The following DLGAP1 variants were observed in gnomAD, a reference collection of about 807,000 sequenced individuals.
DLGAP1 encodes the protein DLG associated protein 1.
Under a neutral mutation model 90.8 loss-of-function variants are expected in DLGAP1, and 11 were observed. The observed-to-expected ratio is 0.12, with a 90% CI of 0.08 to 0.20. DLGAP1 has a LOEUF of 0.20. Among genes scored for constraint, DLGAP1 ranks in the 10% least tolerant of loss-of-function variants. DLGAP1 has a pLI of 1.00. For missense variants in DLGAP1, 1,050 were observed against 1,333.8 expected (o/e 0.79, Z 3.31); for synonymous variants, 558 against 540.7 (o/e 1.03, Z -0.44).
At chr18:3,533,926 A>G (rs2052169720) in intron 10 of DLGAP1, among the ~76,000 whole-genome samples, 2 of 152,062 alleles carry the variant, frequency 1.3e-5, no homozygotes, top group African/African-American at 4.8e-5. Context: ...CTCCACACAG[A>G]GCTTGGTATT....
At chr18:3,930,562 G>T (rs2072493922) in intron 3 of DLGAP1, among the ~76,000 whole-genome samples, 1 of 152,152 alleles carries the variant, frequency 6.6e-6, no homozygotes, top group Non-Finnish European at 1.5e-5. Context: ...CCAGCCTGAA[G>T]GTACATGTAC....
intron 4 of DLGAP1, among the ~76,000 whole-genome samples, chr18:3,871,604 AAGC>A (rs1488681039): frequency 6.6e-6 from 1 of 152,188 alleles, no homozygotes; most frequent in East Asian, 1.9e-4. Flanking sequence ...TACACCAGAG[AAGC>A]AGGACATCCC....
intron 2 of DLGAP1, among the ~76,000 whole-genome samples, chr18:4,057,004 TACACACAC>T (rs55887550): frequency 0.17 from 19,810 of 114,756 alleles, 1,328 homozygotes; most frequent in Non-Finnish European, 0.19. Flanking sequence ...TGACCATACA[TACACACAC>T]ACACACACAC....
chr18:3,756,113 G>A (rs2063709012), intron 5 of DLGAP1, among the ~76,000 whole-genome samples: 1 of 151,680 alleles, frequency 6.6e-6, no homozygotes, highest in South Asian at 2.1e-4. Context: ...GCAATGGCAC[G>A]ATCTTGGCTC....
chr18:4,419,588 C>T (rs569966801), intron 1 of DLGAP1, among the ~76,000 whole-genome samples: 1 of 152,004 alleles, frequency 6.6e-6, no homozygotes, highest in South Asian at 2.1e-4. Flanking sequence ...ATGGTACCAA[C>T]ATATTGTATG....
chr18:3,867,407 A>C (rs957694661), intron 4 of DLGAP1, among the ~76,000 whole-genome samples: 10 of 152,150 alleles, frequency 6.6e-5, no homozygotes, highest in Non-Finnish European at 1.2e-4. Context: ...GAAGTGAGAG[A>C]AGGGAGTACT....
intron 1 of DLGAP1, among the ~76,000 whole-genome samples, chr18:4,435,750 C>A (rs2083385504): frequency 6.6e-6 from 1 of 152,158 alleles, no homozygotes; most frequent in Non-Finnish European, 1.5e-5. Flanking sequence ...ATAAAAGCTG[C>A]CCAACTTCTG....
chr18:4,370,994 G>T (rs1252470896), intron 1 of DLGAP1, among the ~76,000 whole-genome samples: 3 of 152,022 alleles, frequency 2.0e-5, no homozygotes, highest in Admixed American at 6.5e-5. Flanking sequence ...GATAGTGCAG[G>T]CGTGTACGCA....
intron 6 of DLGAP1, among the ~76,000 whole-genome samples, chr18:3,739,946 T>C (rs989143638): frequency 6.6e-6 from 1 of 152,202 alleles, no homozygotes; most frequent in Non-Finnish European, 1.5e-5. Flanking sequence ...ACTTCTCCCA[T>C]GTGTCTGTGC....
intron 1 of DLGAP1, among the ~76,000 whole-genome samples, chr18:4,238,894 T>C (rs2078472481): frequency 6.6e-6 from 1 of 152,180 alleles, no homozygotes; most frequent in South Asian, 2.1e-4. Flanking sequence ...CACCCCAAAT[T>C]ATTGAATTAT....
At chr18:3,718,329 T>C (rs998523778) in intron 7 of DLGAP1, among the ~76,000 whole-genome samples, 1 of 151,692 alleles carries the variant, frequency 6.6e-6, no homozygotes, top group African/African-American at 2.4e-5. Context: ...AGTGGTCTTA[T>C]ATCAATAAGA....
At chr18:4,137,163 T>A (rs778215940) in intron 2 of DLGAP1, among the ~76,000 whole-genome samples, 1 of 152,156 alleles carries the variant, frequency 6.6e-6, no homozygotes, top group Non-Finnish European at 1.5e-5. Context: ...TGGTTTTTCG[T>A]CCTTGCGATA....
At chr18:4,058,520 T>C (rs8087219) in intron 2 of DLGAP1, among the ~76,000 whole-genome samples, 114,623 of 152,160 alleles carry the variant, frequency 0.75, 43,353 homozygotes, top group East Asian at 0.9. Context: ...TTAAGGGCCC[T>C]GCCTACTTGC....
intron 1 of DLGAP1, among the ~76,000 whole-genome samples, chr18:4,433,641 T>G (rs1238963750): frequency 6.6e-6 from 1 of 152,218 alleles, no homozygotes; most frequent in Non-Finnish European, 1.5e-5. Context: ...CCTGAAAGAC[T>G]AATGATGGGT....
chr18:3,599,254 T>A (rs1157780271), intron 7 of DLGAP1, among the ~76,000 whole-genome samples: 3 of 152,238 alleles, frequency 2.0e-5, no homozygotes, highest in Non-Finnish European at 4.4e-5. Context: ...GCGCTTTACC[T>A]ATAGTCTCAT....
chr18:4,098,893 C>T (rs1259976652), intron 2 of DLGAP1, among the ~76,000 whole-genome samples: 2 of 152,114 alleles, frequency 1.3e-5, no homozygotes, highest in African/African-American at 4.8e-5. Flanking sequence ...GTGTAAAATC[C>T]TAAGTCCAGA....
intron 7 of DLGAP1, among the ~76,000 whole-genome samples, chr18:3,626,104 T>G (rs72857744): frequency 5.9e-5 from 9 of 152,100 alleles, no homozygotes; most frequent in African/African-American, 9.6e-5. Flanking sequence ...AAGACCAGCC[T>G]GGACAACATA....
chr18:4,128,356 A>T (rs1053376416), intron 2 of DLGAP1, among the ~76,000 whole-genome samples: 2 of 152,180 alleles, frequency 1.3e-5, no homozygotes, highest in Admixed American at 1.3e-4. Flanking sequence ...ATACTACATC[A>T]TTTTATACAA....
intron 1 of DLGAP1, among the ~76,000 whole-genome samples, chr18:4,257,196 C>T (rs1229081099): frequency 1.3e-5 from 2 of 152,116 alleles, no homozygotes; most frequent in Admixed American, 6.5e-5. Flanking sequence ...AAGCAGAAAG[C>T]TATTGTGATC....
Sources: gnomAD v4.1 joint callset for allele counts (sites outside exome capture counted in the v4.1 genomes callset) on GRCh38, gnomAD v4.1.1 for gene constraint, MANE v1.5 for transcripts, NCBI Gene and HGNC (gene_info 2026-07-23, HGNC 2026-07-21) for gene names.